The following ADAMTS12 variants were observed in gnomAD, a reference collection of about 807,000 sequenced individuals.
ADAMTS12 encodes the protein A disintegrin and metalloproteinase with thrombospondin motifs 12.
A neutral mutation model predicts 167.8 loss-of-function variants in ADAMTS12; 118 were observed. That is an observed-to-expected ratio of 0.70 (90% CI 0.61 to 0.82). ADAMTS12 has a LOEUF of 0.82. Ranked by LOEUF, ADAMTS12 falls within the 40% of genes least tolerant of loss-of-function variation. The probability of loss-of-function intolerance (pLI) is 0.00; values close to 1 mark genes in which losing one functional copy is unlikely to be tolerated. For synonymous variants in ADAMTS12, 704 were observed against 716.9 expected (o/e 0.98, Z 0.29); for missense variants, 1,916 against 1,998.8 (o/e 0.96, Z 0.79).
At chr5:33,678,981 G>A (rs946660832) in intron 5 of ADAMTS12, among the ~76,000 whole-genome samples, 18 of 152,116 alleles carry the variant, frequency 1.2e-4, no homozygotes, top group African/African-American at 4.3e-4. Context: ...AGAGAAGGAG[G>A]TATCATCAGT....
intron 2 of ADAMTS12, among the ~76,000 whole-genome samples, chr5:33,766,055 G>A (rs963389584): frequency 8.5e-5 from 13 of 152,108 alleles, no homozygotes; most frequent in Admixed American, 6.5e-4. Context: ...ATCTACAAAC[G>A]TCTTCCTGTA....
intron 2 of ADAMTS12, among the ~76,000 whole-genome samples, chr5:33,838,750 A>G (rs1748627131): frequency 6.6e-6 from 1 of 152,224 alleles, no homozygotes; most frequent in Non-Finnish European, 1.5e-5. Flanking sequence ...AAAAGAGGAA[A>G]GATGGAGCAG....
At chr5:33,691,816 CAATA>C (rs1221406719) in intron 3 of ADAMTS12, among the ~76,000 whole-genome samples, 1 of 152,202 alleles carries the variant, frequency 6.6e-6, no homozygotes, top group Non-Finnish European at 1.5e-5. Context: ...AGTGTGTGCT[CAATA>C]AATACAGTGC....
chr5:33,727,493 C>T (rs771411677), intron 3 of ADAMTS12, among the ~76,000 whole-genome samples: 46 of 152,246 alleles, frequency 3.0e-4, no homozygotes, highest in Admixed American at 5.2e-4. Context: ...TGAGGTATCC[C>T]TTTCATGGGC....
chr5:33,655,437 C>T (rs1474351367), intron 7 of ADAMTS12, among the ~76,000 whole-genome samples: 1 of 151,998 alleles, frequency 6.6e-6, no homozygotes, highest in Non-Finnish European at 1.5e-5. Context: ...GTATATCGTT[C>T]TTGGAGTTTG....
At chr5:33,757,281 A>G (rs1332930642) in intron 2 of ADAMTS12, among the ~76,000 whole-genome samples, 1 of 152,224 alleles carries the variant, frequency 6.6e-6, no homozygotes, top group Non-Finnish European at 1.5e-5. Context: ...TCAGAGAATC[A>G]ATAGAAACAC....
At chr5:33,784,667 C>G (rs1011704358) in intron 2 of ADAMTS12, among the ~76,000 whole-genome samples, 1 of 151,682 alleles carries the variant, frequency 6.6e-6, no homozygotes, top group East Asian at 1.9e-4. Flanking sequence ...CTGAAATGTA[C>G]AAAACATTAC....
chr5:33,593,265 G>T (rs1279785581), intron 17 of ADAMTS12, among the ~76,000 whole-genome samples: 1 of 152,188 alleles, frequency 6.6e-6, no homozygotes, highest in Non-Finnish European at 1.5e-5. Flanking sequence ...TAATGTGAGA[G>T]AAAAAGTTTA....
At chr5:33,691,047 C>G (rs1742530631) in intron 3 of ADAMTS12, among the ~76,000 whole-genome samples, 1 of 152,182 alleles carries the variant, frequency 6.6e-6, no homozygotes, top group South Asian at 2.1e-4. Context: ...GGGAATAACT[C>G]AGGGACTTTC....
chr5:33,870,758 G>A (rs1166224694), intron 2 of ADAMTS12, among the ~76,000 whole-genome samples: 2 of 152,140 alleles, frequency 1.3e-5, no homozygotes, highest in Non-Finnish European at 2.9e-5. Context: ...CTGTTCTTGT[G>A]ATAGTGAGTG....
At chr5:33,786,630 T>C (rs1746336783) in intron 2 of ADAMTS12, among the ~76,000 whole-genome samples, 1 of 152,186 alleles carries the variant, frequency 6.6e-6, no homozygotes, top group Non-Finnish European at 1.5e-5. Context: ...CTTCTCTTGA[T>C]AGATTGGGTC....
intron 7 of ADAMTS12, among the ~76,000 whole-genome samples, chr5:33,652,369 C>G (rs1248530856): frequency 6.6e-6 from 1 of 152,108 alleles, no homozygotes; most frequent in African/African-American, 2.4e-5. Context: ...ATTTGCATCT[C>G]TCTGATAATT....
intron 2 of ADAMTS12, among the ~76,000 whole-genome samples, chr5:33,875,079 C>T (rs547492937): frequency 3.9e-5 from 6 of 152,184 alleles, no homozygotes; most frequent in South Asian, 2.1e-4. Flanking sequence ...GTGAAAAAGG[C>T]CAATCTGAAA....
intron 1 of ADAMTS12, among the ~76,000 whole-genome samples, chr5:33,888,453 T>C (rs1750719977): frequency 6.6e-6 from 1 of 152,214 alleles, no homozygotes; most frequent in African/African-American, 2.4e-5. Flanking sequence ...TATAGATTAT[T>C]ATAATCAACA....
chr5:33,849,628 CAATATATATGTATTGCAT>C (rs1458119906), intron 2 of ADAMTS12, among the ~76,000 whole-genome samples: 1,114 of 103,370 alleles, frequency 0.011, 67 homozygotes, highest in African/African-American at 0.033. Context: ...TATTGCATAG[CAATATATATGTATTGCAT>C]AGCAATATAT....
intron 5 of ADAMTS12, among the ~76,000 whole-genome samples, chr5:33,679,097 T>C (rs1253131332): frequency 2.0e-5 from 3 of 152,192 alleles, no homozygotes; most frequent in African/African-American, 7.2e-5. Flanking sequence ...CAGGTTTTGA[T>C]TGGCTGCTTT....
chr5:33,877,046 CTGGAGAG>C lies in ADAMTS12; in HGVS notation c.489+4066_489+4072del, dbSNP rs1350668574. ...CCCAAAGAGAAAGGGAAACTTAAGG[CTGGAGAG>C]TGGATGGAAGTTAAAGCTGGATGGC... On this transcript the variant is annotated intron_variant, in intron 2 of 23. Coordinates refer to ENST00000504830, the MANE Select transcript of ADAMTS12 (RefSeq NM_030955.4). Among the ~76,000 whole-genome samples the C allele has an allele frequency of 6.6e-5, 10 of 152,164 alleles. No individual in the cohort carries two copies. The South Asian group carries it at 1.9e-3, about 28-fold the overall frequency.
In ADAMTS12 at chr5:33,770,951, A is replaced by G. The variant is rs1329135941; in HGVS notation, c.490-19403T>C. Among the ~76,000 whole-genome samples the G allele has an allele frequency of 1.1e-4, 17 of 152,088 alleles. 1 individual carries two copies. Among genetic ancestry groups the G allele is most frequent in the Middle Eastern group, 6.8e-3 (2 of 294 alleles). Reference sequence around the variant, plus strand: ...AGCAGTCCTCCTTTCTCAGCCTCCTAAAGTGTTGGGATTTGAGATGTGAGC... The same window carrying G: ...AGCAGTCCTCCTTTCTCAGCCTCCTGAAGTGTTGGGATTTGAGATGTGAGC... On this transcript the variant is annotated intron_variant, in intron 2 of 23. Coordinates refer to ENST00000504830, the MANE Select transcript of ADAMTS12 (RefSeq NM_030955.4).
At chr5:33,818,878 T>C (rs974117562) in intron 2 of ADAMTS12, among the ~76,000 whole-genome samples, 1 of 152,182 alleles carries the variant, frequency 6.6e-6, no homozygotes, top group African/African-American at 2.4e-5. Flanking sequence ...GTTATTTGTA[T>C]GTCTTCTATT....
Sources: gnomAD v4.1 joint callset for allele counts (sites outside exome capture counted in the v4.1 genomes callset) on GRCh38, gnomAD v4.1.1 for gene constraint, MANE v1.5 for transcripts, NCBI Gene and HGNC (gene_info 2026-07-23, HGNC 2026-07-21) for gene names.